The following PFKM variants were observed in gnomAD, a reference collection of about 807,000 sequenced individuals.
PFKM encodes ATP-dependent 6-phosphofructokinase, muscle type.
Under a neutral mutation model 95.5 loss-of-function variants are expected in PFKM, and 58 were observed. That is an observed-to-expected ratio of 0.61 (90% CI 0.49 to 0.76). The LOEUF (loss-of-function observed/expected upper bound fraction) is 0.76, where lower values mean the gene tolerates loss of function less well. Ranked by LOEUF, PFKM falls within the 30% of genes least tolerant of loss-of-function variation. The pLI is 0.00. For synonymous variants in PFKM, 336 were observed against 357.2 expected (o/e 0.94, Z 0.67); for missense variants, 678 against 1,005.4 (o/e 0.67, Z 4.40).
intron 1 of PFKM, chr12:48,106,140 G>A: frequency 1.4e-6 from 1 of 702,522 alleles, no homozygotes; most frequent in South Asian, 1.5e-5. Context: ...GTCGCTAGGT[G>A]GCTGAAGAGG....
chr12:48,130,307 AG>A (rs1387307518), intron 2 of PFKM, 55 bp from the exon 3 acceptor site: 2 of 1,082,774 alleles, frequency 1.8e-6, no homozygotes, highest in African/African-American at 3.1e-5. Context: ...TCTGGATTCC[AG>A]GGCGCCTTTT....
intron 10 of PFKM, among the ~76,000 whole-genome samples, chr12:48,137,039 C>T (rs1288038263): frequency 1.4e-5 from 2 of 147,612 alleles, no homozygotes; most frequent in Non-Finnish European, 3.0e-5. Flanking sequence ...CTGGCGTAAG[C>T]TACTGGGCCC....
chr12:48,144,802 A>G (rs1950883329), intron 20 of PFKM, among the ~76,000 whole-genome samples: 1 of 152,216 alleles, frequency 6.6e-6, no homozygotes, highest in African/African-American at 2.4e-5. Context: ...TGTGGGGCCA[A>G]TCATCTTTAA....
chr12:48,119,706 A>G (rs1948020582), intron 1 of PFKM: 1 of 152,266 alleles, frequency 6.6e-6, no homozygotes. Flanking sequence ...ACCCAATTCA[A>G]ATCAGTGCTC....
chr12:48,124,173 T>C (rs1008813281), intron 2 of PFKM, among the ~76,000 whole-genome samples: 7 of 152,172 alleles, frequency 4.6e-5, no homozygotes, highest in Admixed American at 2.0e-4. Context: ...AATTGTGATA[T>C]AGGTTATGAA....
intron 10 of PFKM, among the ~76,000 whole-genome samples, chr12:48,135,785 T>C (rs1950023780): frequency 6.6e-6 from 1 of 152,172 alleles, no homozygotes; most frequent in Admixed American, 6.5e-5. Flanking sequence ...GATATTGACA[T>C]TGATATAGTC....
chr12:48,135,387 A>G lies in PFKM; in HGVS notation c.936+4A>G. ...ATCAGCCTTTGACAGAATTCTGGTAAGTCACTGGGCTGTGTGGCCCTCATG... is the reference window on the plus strand; with the variant it reads ...ATCAGCCTTTGACAGAATTCTGGTAGGTCACTGGGCTGTGTGGCCCTCATG... On this transcript the variant is annotated splice_donor_region_variant and intron_variant, in intron 10 of 22. Coordinates refer to ENST00000359794, the MANE Select transcript of PFKM (RefSeq NM_000289.6). 1 of 1,607,424 alleles carries G rather than the reference A, an allele frequency of 6.2e-7. No homozygotes were observed.
chr12:48,136,926 T>A (rs1950153989), intron 10 of PFKM, among the ~76,000 whole-genome samples: 1 of 151,636 alleles, frequency 6.6e-6, no homozygotes, highest in Non-Finnish European at 1.5e-5. Context: ...GCTAATTTTT[T>A]AAATTTTTAG....
chr12:48,135,045 A>G lies in PFKM; in HGVS notation c.843+7A>G, dbSNP rs769781670. ...CTCAGAAGACATCAAGAATGTTCGT[A>G]TGAATGAAGCCAGAGAGGCCTTAGA... On this transcript the variant is annotated splice_region_variant and intron_variant, in intron 9 of 22. Coordinates refer to ENST00000359794, the MANE Select transcript of PFKM (RefSeq NM_000289.6). 3 of 1,600,956 alleles carry G rather than the reference A, an allele frequency of 1.9e-6. No homozygotes were observed. The highest frequency in any genetic ancestry group is 2.2e-5 in the East Asian group (1 of 44,806).
upstream of PFKM, among the ~76,000 whole-genome samples, chr12:48,116,112 C>T (rs1214327969): frequency 2.7e-5 from 4 of 145,742 alleles, no homozygotes; most frequent in African/African-American, 1.0e-4. Flanking sequence ...TTTTTCCTTT[C>T]CCCCCTTCCC....
chr12:48,142,048 A>C lies in PFKM; in HGVS notation c.1635A>C (p.Ala545=). The C allele has an allele frequency of 1.2e-6, 2 of 1,614,162 alleles. No homozygotes were observed. Among genetic ancestry groups the C allele is most frequent in the Non-Finnish European group, 1.7e-6 (2 of 1,180,004 alleles). The part of the protein sequence containing the change: ...GSDFSVGADT[A]LNTICTTCDR... ...ACTTCAGCGTTGGGGCTGACACAGC[A>C]CTCAATACTATCTGCACAGTGAGAG... The change falls in exon 17 of 23, where the codon GCA becomes GCC. Residue 545 remains alanine (A), a synonymous_variant. Transcript: ENST00000359794.
intron 20 of PFKM, 113 bp downstream of exon 20, chr12:48,144,270 C>A (rs781676048): frequency 4.0e-6 from 3 of 751,438 alleles, no homozygotes; most frequent in Non-Finnish European, 7.2e-6. Flanking sequence ...TCTGGAGGAG[C>A]CTGTCAGTGC....
chr12:48,127,235 G>GA lies in PFKM; in HGVS notation c.86-3126dup, dbSNP rs1204193066. On this transcript the variant is annotated intron_variant, in intron 2 of 22. Transcript: ENST00000359794. ...CTGCCCCTTATTAGTTTTTATCATG[G>GA]AACCCCCCTTCCCCTTCCTGTTCCT... is the stretch of plus-strand genomic sequence containing the variant. Among the ~76,000 whole-genome samples the GA allele has an allele frequency of 4.8e-4, 70 of 146,226 alleles. 2 individuals carry two copies. Among genetic ancestry groups the GA allele is most frequent in the Non-Finnish European group, 1.0e-3 (67 of 64,564 alleles).
upstream of PFKM, chr12:48,105,882 G>A: frequency 1.6e-6 from 1 of 613,242 alleles, no homozygotes; most frequent in Non-Finnish European, 2.9e-6. Flanking sequence ...GGTCCCAGGG[G>A]GCGGGGCAGA....
intron 2 of PFKM, among the ~76,000 whole-genome samples, chr12:48,107,814 T>C (rs532256971): frequency 1.3e-5 from 2 of 152,296 alleles, no homozygotes; most frequent in Non-Finnish European, 2.9e-5. Context: ...TCCAAAACTA[T>C]CAGATAAATC....
At position 48,135,325 on chromosome 12, in the gene PFKM, T is replaced by C; in HGVS notation, c.878T>C (p.Val293Ala). The change falls in exon 10 of 23, where the codon GTT (valine) becomes GCT (alanine). Residue 293 changes from valine to alanine, a missense_variant. Val to Ala is a moderately conservative substitution (Grantham distance 64). Coordinates refer to ENST00000359794, the MANE Select transcript of PFKM (RefSeq NM_000289.6). ...VVKRLGYDTRVTVLGHVQRGG... is the reference protein window; with the variant it reads ...VVKRLGYDTRATVLGHVQRGG... ...AAGCGTCTGGGATATGACACCCGGGTTACTGTCTTGGGGCATGTGCAGAGG... is the reference window on the plus strand; with the variant it reads ...AAGCGTCTGGGATATGACACCCGGGCTACTGTCTTGGGGCATGTGCAGAGG... 2 of 1,613,628 alleles carry C rather than the reference T, an allele frequency of 1.2e-6. No individual in the cohort carries two copies. The highest frequency in any genetic ancestry group is 1.7e-6 in the Non-Finnish European group (2 of 1,179,520).
At chr12:48,123,403 G>T (rs144610551) in intron 2 of PFKM, among the ~76,000 whole-genome samples, 3 of 152,036 alleles carry the variant, frequency 2.0e-5, no homozygotes, top group African/African-American at 7.3e-5. Context: ...ATACAGATCC[G>T]GTATGAGGTG....
At chr12:48,144,341 GA>G (rs948522958) in intron 20 of PFKM, among the ~76,000 whole-genome samples, 184 bp downstream of exon 20, 1 of 152,160 alleles carries the variant, frequency 6.6e-6, no homozygotes, top group Non-Finnish European at 1.5e-5. Context: ...CTTTATCCTG[GA>G]AATGACTTTA....
At chr12:48,130,567 C>T (rs1038878346) in intron 3 of PFKM, 131 bp downstream of exon 3, 9 of 788,490 alleles carry the variant, frequency 1.1e-5, no homozygotes, top group Admixed American at 8.9e-5. Flanking sequence ...TCCTTGACTC[C>T]GTAGCTTCAT....
Sources: allele counts gnomAD v4.1 joint callset (sites outside exome capture counted in the v4.1 genomes callset), GRCh38; gene constraint gnomAD v4.1.1; transcripts MANE v1.5; gene names NCBI Gene and HGNC (gene_info 2026-07-23, HGNC 2026-07-21).